The following CA10 variants were observed in gnomAD, a reference collection of about 807,000 sequenced individuals.
The protein encoded by CA10 is carbonic anhydrase-related protein 10.
In CA10, 14 loss-of-function variants were observed where a neutral mutation model predicts 44.2. The observed-to-expected ratio is 0.32, with a 90% confidence interval of 0.21 to 0.50. The LOEUF (loss-of-function observed/expected upper bound fraction) is 0.50. Among genes scored for constraint, CA10 ranks in the 20% least tolerant of loss-of-function variants. CA10 has a pLI of 0.99. For synonymous variants in CA10, 159 were observed against 141.6 expected, an observed-to-expected ratio of 1.12 and a Z score of -0.87; for missense variants, 350 against 409.7, an observed-to-expected ratio of 0.85 and a Z score of 1.26.
chr17:51,651,047 G>C (rs1485889767), intron 5 of CA10, among the ~76,000 whole-genome samples: 1 of 152,230 alleles, frequency 6.6e-6, no homozygotes, highest in African/African-American at 2.4e-5. Context: ...AAAACTCATA[G>C]ATAAGCAAGT....
intron 1 of CA10, among the ~76,000 whole-genome samples, chr17:52,134,182 C>T (rs4794330): frequency 0.35 from 52,568 of 152,138 alleles, 11,111 homozygotes; most frequent in African/African-American, 0.6. Flanking sequence ...TAGACCCATT[C>T]AAAACAAAAT....
At chr17:51,772,157 G>A (rs1444909133) in intron 3 of CA10, among the ~76,000 whole-genome samples, 2 of 152,174 alleles carry the variant, frequency 1.3e-5, no homozygotes, top group African/African-American at 2.4e-5. Flanking sequence ...AACAATAGTG[G>A]CTACTGTTTT....
intron 2 of CA10, among the ~76,000 whole-genome samples, chr17:52,034,910 G>T (rs1205036689): frequency 6.6e-6 from 1 of 152,102 alleles, no homozygotes; most frequent in Non-Finnish European, 1.5e-5. Context: ...AGGAAACTAA[G>T]GTTAGGGGAG....
intron 3 of CA10, among the ~76,000 whole-genome samples, chr17:51,753,588 C>G (rs1331433043): frequency 6.6e-6 from 1 of 152,088 alleles, no homozygotes; most frequent in Non-Finnish European, 1.5e-5. Flanking sequence ...AATTCTGAAC[C>G]TGAATTTTCT....
At chr17:52,073,310 T>C (rs1051651765) in intron 1 of CA10, among the ~76,000 whole-genome samples, 2 of 151,848 alleles carry the variant, frequency 1.3e-5, no homozygotes, top group Non-Finnish European at 2.9e-5. Flanking sequence ...AAAGAATGGG[T>C]ATAAGACAAT....
intron 7 of CA10, among the ~76,000 whole-genome samples, chr17:51,634,804 A>C (rs1054484517): frequency 5.3e-5 from 8 of 152,236 alleles, no homozygotes; most frequent in Admixed American, 6.5e-5. Context: ...TCAACAATGG[A>C]ATCTATTTAA....
At chr17:51,977,946 T>C (rs952484601) in intron 2 of CA10, among the ~76,000 whole-genome samples, 6 of 152,032 alleles carry the variant, frequency 3.9e-5, no homozygotes, top group Non-Finnish European at 7.4e-5. Flanking sequence ...CATAAAACTT[T>C]TAGGGTTAAA....
intron 3 of CA10, among the ~76,000 whole-genome samples, chr17:51,749,932 AT>A (rs950868859): frequency 2.0e-5 from 3 of 152,204 alleles, no homozygotes; most frequent in African/African-American, 7.2e-5. Context: ...CACCTTACCA[AT>A]ACATTTTTAA....
Position 52,078,449 on chromosome 17 carries a change from C to A in CA10, c.62-6056G>T, listed in dbSNP as rs117541583. Among the ~76,000 whole-genome samples the A allele has an allele frequency of 8.8e-3, 1,346 of 152,312 alleles. 13 individuals are homozygous for A. Among genetic ancestry groups the A allele is most frequent in the Non-Finnish European group, 0.013 (906 of 68,016 alleles). ...CCTGTGCCAAGTGGTCTACAACTAG[C>A]AAAGATGAAGCCAGATATAGAGGAG... On this transcript the variant is annotated intron_variant, in intron 1 of 8. Transcript: ENST00000451037.
intron 2 of CA10, among the ~76,000 whole-genome samples, chr17:52,012,891 A>G (rs1010909892): frequency 5.3e-5 from 8 of 151,916 alleles, no homozygotes; most frequent in African/African-American, 7.2e-5. Context: ...CTCAGGCTTG[A>G]CCCTGAGAGG....
At chr17:52,153,557 C>T (rs1329196584) in intron 1 of CA10, among the ~76,000 whole-genome samples, 2 of 152,102 alleles carry the variant, frequency 1.3e-5, no homozygotes, top group African/African-American at 2.4e-5. Flanking sequence ...ACAGTTATGA[C>T]TATGCACCAA....
chr17:51,857,492 C>A (rs1279707471), intron 3 of CA10, among the ~76,000 whole-genome samples: 1 of 152,158 alleles, frequency 6.6e-6, no homozygotes, highest in Non-Finnish European at 1.5e-5. Flanking sequence ...CAAGGTTACT[C>A]TTAGGAATCC....
At chr17:51,800,645 A>G (rs1442285521) in intron 3 of CA10, among the ~76,000 whole-genome samples, 5 of 152,210 alleles carry the variant, frequency 3.3e-5, no homozygotes, top group Non-Finnish European at 7.4e-5. Flanking sequence ...TTAATATACA[A>G]CAAGAAAAAC....
intron 2 of CA10, among the ~76,000 whole-genome samples, chr17:51,963,929 A>G (rs1243495504): frequency 6.6e-6 from 1 of 152,158 alleles, no homozygotes; most frequent in African/African-American, 2.4e-5. Flanking sequence ...TTAACCTTCA[A>G]TGTAAATAGT....
At chr17:52,129,052 T>C (rs1346871440) in intron 1 of CA10, among the ~76,000 whole-genome samples, 1 of 152,138 alleles carries the variant, frequency 6.6e-6, no homozygotes, top group Non-Finnish European at 1.5e-5. Flanking sequence ...CTATCAGTGT[T>C]CTATTGAAAG....
At chr17:51,631,682 G>T in intron 8 of CA10, 76 bp from the exon 9 acceptor site, 1 of 1,268,822 alleles carries the variant, frequency 7.9e-7, no homozygotes, top group Non-Finnish European at 1.1e-6. Flanking sequence ...TTTGCACACA[G>T]TTTTAGAGAA....
chr17:51,675,718 A>G (rs925313063), intron 4 of CA10, among the ~76,000 whole-genome samples: 1 of 151,986 alleles, frequency 6.6e-6, no homozygotes, highest in Non-Finnish European at 1.5e-5. Context: ...TGCGTCTCAA[A>G]AAAAAAAACA....
At chr17:51,827,705 C>T (rs1446956355) in intron 3 of CA10, among the ~76,000 whole-genome samples, 1 of 152,166 alleles carries the variant, frequency 6.6e-6, no homozygotes, top group Non-Finnish European at 1.5e-5. Context: ...GTTAACACAT[C>T]CTATGGGCTC....
chr17:51,746,063 C>G (rs1263982), intron 4 of CA10, among the ~76,000 whole-genome samples: 1 of 151,984 alleles, frequency 6.6e-6, no homozygotes, highest in African/African-American at 2.4e-5. Context: ...ATGCCTTTGG[C>G]AGACATCCCT....
Sources: gnomAD v4.1 joint callset for allele counts (sites outside exome capture counted in the v4.1 genomes callset) on GRCh38, gnomAD v4.1.1 for gene constraint, MANE v1.5 for transcripts, NCBI Gene and HGNC (gene_info 2026-07-23, HGNC 2026-07-21) for gene names.